The following SDK2 variants were observed in gnomAD, a reference collection of about 807,000 sequenced individuals.
SDK2 encodes the protein protein sidekick-2.
SDK2 carries 105 observed loss-of-function variants against 253.9 expected under a neutral mutation model. That is an observed-to-expected ratio of 0.41 (90% CI 0.35 to 0.49). The LOEUF is 0.49. Ranked by LOEUF, SDK2 falls within the 20% of genes least tolerant of loss-of-function variation. The pLI is 0.06. For synonymous variants in SDK2, 1,249 were observed against 1,234.9 expected, an observed-to-expected ratio of 1.01 and a Z score of -0.24; for missense variants, 2,608 against 3,003.0, an observed-to-expected ratio of 0.87 and a Z score of 3.07.
chr17:73,539,310 G>T (rs935547499), intron 1 of SDK2, among the ~76,000 whole-genome samples: 7 of 152,050 alleles, frequency 4.6e-5, no homozygotes, highest in African/African-American at 1.5e-4. Flanking sequence ...GAAATCATTC[G>T]TCTGTCATCA....
Position 73,406,410 on chromosome 17 carries a change from A to AT in SDK2, c.2485-4270dup, listed in dbSNP as rs879724791. Among the ~76,000 whole-genome samples, 443 of 147,734 alleles carry AT rather than the reference A, an allele frequency of 3.0e-3. 3 individuals are homozygous for AT. Among genetic ancestry groups the AT allele is most frequent in the African/African-American group, 6.1e-3 (246 of 40,500 alleles). ...AGGCACCTGCCATCACGCCCAGCTA[A>AT]TTTTTTTTTTTGTATTTTTAATGGA... On this transcript the variant is annotated intron_variant, in intron 18 of 44. Transcript: ENST00000392650.
chr17:73,372,744 A>AC (rs2062745948), intron 36 of SDK2, among the ~76,000 whole-genome samples: 3 of 151,860 alleles, frequency 2.0e-5, no homozygotes, highest in African/African-American at 4.9e-5. Flanking sequence ...CTGTCTCGAA[A>AC]AAAACAAACA....
At position 73,369,688 on chromosome 17, in the gene SDK2, TCGCACTGTCA is replaced by T. The variant is rs1455930361; in HGVS notation, c.4981-1105_4981-1096del. Among the ~76,000 whole-genome samples the T allele has an allele frequency of 3.3e-5, 5 of 152,334 alleles. No homozygotes were observed. The East Asian group carries it at 9.6e-4, about 29-fold the overall frequency. On this transcript the variant is annotated intron_variant, in intron 36 of 44. Coordinates refer to ENST00000392650, the MANE Select transcript of SDK2 (RefSeq NM_001144952.2). ...CCTTTCTGTTTTTTGAGATGGAGTC[TCGCACTGTCA>T]CACAGGCTGGAGTGCTGTGGTGCGA...
intron 1 of SDK2, among the ~76,000 whole-genome samples, chr17:73,576,544 G>C (rs990868013): frequency 6.6e-6 from 1 of 152,232 alleles, no homozygotes. Context: ...AGTTCCATGA[G>C]AGAGGGTGAG....
chr17:73,431,407 G>A lies in SDK2; in HGVS notation c.1480+95C>T. On this transcript the variant is annotated intron_variant, in intron 11 of 44. Transcript: ENST00000392650. This position sits in a 1 kb window ranked among gnomAD's most constrained non-coding sequence, Gnocchi z 5.6. ...GGGGATGGAGACACTGGTGGTATGA[G>A]CCTGTGCCCCGTAGCTGTCCTGAGT... is the stretch of plus-strand genomic sequence containing the variant. The A allele has an allele frequency of 3.2e-6, 4 of 1,238,912 alleles. No homozygotes were observed. Among genetic ancestry groups the A allele is most frequent in the Non-Finnish European group, 4.5e-6 (4 of 895,508 alleles). The allele number at this position is 1,238,912 out of a possible 1,614,324, so 76.7% of individuals were successfully genotyped here. A position where few individuals can be genotyped will look rare whatever the true frequency, so the allele number is the denominator to read the frequency against.
In SDK2 at chr17:73,394,314, G is replaced by A. The variant is rs971071570; in HGVS notation, c.3603C>T (p.Ser1201=). The A allele has an allele frequency of 2.0e-5, 32 of 1,579,964 alleles. No individual in the cohort carries two copies. Among genetic ancestry groups the A allele is most frequent in the African/African-American group, 6.7e-5 (5 of 74,288 alleles). ...VGRTRESVPS[S]GPTNVSALAT... ...CCAGTGCAGACACATTGGTGGGGCC[G>A]GAAGAGGGAACTGTGGGGGAAAGGG... Residue 1201 remains serine, a synonymous_variant, in exon 26 of 45, where the codon TCC becomes TCT. Coordinates refer to ENST00000392650, the MANE Select transcript of SDK2 (RefSeq NM_001144952.2).
intron 1 of SDK2, among the ~76,000 whole-genome samples, chr17:73,625,252 C>G (rs1013775707): frequency 2.6e-5 from 4 of 152,198 alleles, no homozygotes; most frequent in Admixed American, 6.5e-5. Context: ...CTGCCTGTGA[C>G]GCCCAAGACA....
At chr17:73,615,597 T>C (rs2046043217) in intron 1 of SDK2, among the ~76,000 whole-genome samples, 1 of 152,184 alleles carries the variant, frequency 6.6e-6, no homozygotes. Flanking sequence ...GTCCTGTTCC[T>C]GTCCACCACA....
At chr17:73,621,765 G>C (rs1345345054) in intron 1 of SDK2, among the ~76,000 whole-genome samples, 1 of 151,972 alleles carries the variant, frequency 6.6e-6, no homozygotes, top group Non-Finnish European at 1.5e-5. Context: ...TCAATCTGAA[G>C]AACAGAGAGT....
intron 44 of SDK2, among the ~76,000 whole-genome samples, chr17:73,343,951 G>T (rs547758764): frequency 6.6e-6 from 1 of 152,228 alleles, no homozygotes; most frequent in East Asian, 1.9e-4. Flanking sequence ...CTCATCCACG[G>T]TCCCAGGGGC....
rs746494982 is a variant in SDK2 at position 73,338,701 on chromosome 17, T to TG, written c.6404dup (p.Thr2136AsnfsTer7). The TG allele has an allele frequency of 7.5e-6, 12 of 1,608,280 alleles. No homozygotes were observed. Among genetic ancestry groups the TG allele is most frequent in the Non-Finnish European group, 1.0e-5 (12 of 1,176,950 alleles). ...GGGGGTTAGGGGGGTTCTGGGGCGT[T>TG]GGAGTCCGACTGGCCTTGGGCCGAA... On this transcript the variant is annotated frameshift_variant, in exon 45 of 45. Coordinates refer to ENST00000392650, the MANE Select transcript of SDK2 (RefSeq NM_001144952.2). LOFTEE classifies it high-confidence loss of function. This position sits in a 1 kb window ranked among gnomAD's most constrained non-coding sequence, Gnocchi z 5.0.
At chr17:73,489,915 A>G (rs537030924) in intron 2 of SDK2, among the ~76,000 whole-genome samples, 1 of 152,332 alleles carries the variant, frequency 6.6e-6, no homozygotes, top group South Asian at 2.1e-4. Flanking sequence ...TGCAGATTTC[A>G]TTTTCTTTGT....
Position 73,416,009 on chromosome 17 carries a change from A to T in SDK2, c.2187-17T>A. 1 of 1,603,520 alleles carries T rather than the reference A, an allele frequency of 6.2e-7. No individual in the cohort carries two copies. Among genetic ancestry groups the T allele is most frequent in the South Asian group, 1.1e-5 (1 of 88,972 alleles). ...AGGCAGTACCTGAGGGGAAGAGGCG[A>T]GGCACAGTGGAGTCAGAGTCAGCTT... On this transcript the variant is annotated splice_polypyrimidine_tract_variant and intron_variant, in intron 16 of 44. Coordinates refer to ENST00000392650, the MANE Select transcript of SDK2 (RefSeq NM_001144952.2).
At chr17:73,540,266 A>C (rs1333606632) in intron 1 of SDK2, among the ~76,000 whole-genome samples, 1 of 152,202 alleles carries the variant, frequency 6.6e-6, no homozygotes. Flanking sequence ...CAGCATGGCA[A>C]TAGAGTCTAT....
intron 12 of SDK2, among the ~76,000 whole-genome samples, chr17:73,429,522 G>T (rs556698039): frequency 3.3e-5 from 5 of 152,182 alleles, no homozygotes; most frequent in Non-Finnish European, 7.3e-5. Flanking sequence ...GTCTCATTTG[G>T]GGGTGGCTGT....
rs76024578 is a variant in SDK2, at chr17:73,385,187, G to A, written c.4569+660C>T. 9.1e-3 allele frequency among the ~76,000 whole-genome samples: 1,389 copies of A among 152,236 alleles called. 37 individuals carry two copies. Among genetic ancestry groups the A allele is most frequent in the East Asian group, 0.086 (445 of 5,162 alleles). ...TTTTGCCAGGGGTCCCTCTCATGTG[G>A]GTGACCTGCTGAGGCAAGGCTGAAC... On this transcript the variant is annotated intron_variant, in intron 32 of 44. Coordinates refer to ENST00000392650, the MANE Select transcript of SDK2 (RefSeq NM_001144952.2).
intron 44 of SDK2, among the ~76,000 whole-genome samples, chr17:73,339,301 A>T (rs1349035060): frequency 6.9e-6 from 1 of 145,458 alleles, no homozygotes; most frequent in Non-Finnish European, 1.5e-5. Context: ...ATCTTGGCTC[A>T]CTCCAACCTC....
chr17:73,542,901 G>C lies in SDK2; in HGVS notation c.65-35304C>G, dbSNP rs568654235. 1.3e-3 allele frequency among the ~76,000 whole-genome samples: 196 copies of C among 152,328 alleles called. 1 individual carries two copies. The highest frequency in any genetic ancestry group is 2.4e-3 in the Non-Finnish European group (161 of 68,024). On this transcript the variant is annotated intron_variant, in intron 1 of 44. Transcript: ENST00000392650. ...TGCAGTCCCACAAGCACCCAGAAGT[G>C]AGGACATTCATAAGACACCCTCCCC...
At position 73,481,152 on chromosome 17, in the gene SDK2, C is replaced by A. The variant is rs892370687; in HGVS notation, c.225-8934G>T. 6.6e-6 allele frequency among the ~76,000 whole-genome samples: 1 copy of A among 152,108 alleles called. No homozygotes were observed. The highest frequency in any genetic ancestry group is 2.1e-4 in the South Asian group (1 of 4,826). ...TGGGGAGGGGACAGGCAAGCCCAGG[C>A]GAGCTGAGCACGGGGTTCCAGAATC... On this transcript the variant is annotated intron_variant, in intron 2 of 44. Coordinates refer to ENST00000392650, the MANE Select transcript of SDK2 (RefSeq NM_001144952.2). The surrounding 1 kb of genome is among the most constrained non-coding windows in gnomAD (Gnocchi z 4.5).
Sources: allele counts gnomAD v4.1 joint callset (sites outside exome capture counted in the v4.1 genomes callset), GRCh38; gene constraint gnomAD v4.1.1; non-coding constraint Gnocchi (gnomAD v3.1); transcripts MANE v1.5; gene names NCBI Gene and HGNC (gene_info 2026-07-23, HGNC 2026-07-21).